The following EPHB3 variants were observed in gnomAD, a reference collection of about 807,000 sequenced individuals.
EPHB3 encodes ephrin type-B receptor 3.
Under a neutral mutation model 100.2 loss-of-function variants are expected in EPHB3, and 33 were observed. That is an observed-to-expected ratio of 0.33 (90% CI 0.25 to 0.44). EPHB3 has a LOEUF of 0.44. Ranked by LOEUF, EPHB3 falls within the 20% of genes least tolerant of loss-of-function variation. The pLI is 1.00. For missense variants in EPHB3, 1,045 were observed against 1,378.3 expected (o/e 0.76, Z 3.83); for synonymous variants, 526 against 554.7 (o/e 0.95, Z 0.73).
chr3:184,576,182 G>A (rs964516144), intron 4 of EPHB3, among the ~76,000 whole-genome samples, 197 bp downstream of exon 4: 1 of 152,186 alleles, frequency 6.6e-6, no homozygotes, highest in African/African-American at 2.4e-5. Flanking sequence ...CAGCCGGCTC[G>A]TCCCTTCCAC....
At position 184,581,527 on chromosome 3, in the gene EPHB3, A is replaced by G; in HGVS notation, c.2902A>G (p.Ile968Val). The change falls in exon 16 of 16, where the codon ATT (isoleucine) becomes GTT (valine). Residue 968 changes from isoleucine (I) to valine (V), a missense_variant. Around this residue, in one of 2 missense-constraint regions of EPHB3, gnomAD observed 985 missense variants for 1,331.1 expected, o/e 0.74. Coordinates refer to ENST00000330394, the MANE Select transcript of EPHB3 (RefSeq NM_004443.4). ...AQMTAEDLLR[I>V]GVTLAGHQKK... Reference sequence around the variant, plus strand: ...CTCCACCTGCAGAGACCTGCTCCGTATTGGGGTCACCCTGGCCGGCCACCA... The same window carrying G: ...CTCCACCTGCAGAGACCTGCTCCGTGTTGGGGTCACCCTGGCCGGCCACCA... 1 of 1,613,704 alleles carries G rather than the reference A, an allele frequency of 6.2e-7. No homozygotes were observed. The highest frequency in any genetic ancestry group is 8.5e-7 in the Non-Finnish European group (1 of 1,179,820).
chr3:184,572,778 C>T lies in EPHB3; in HGVS notation c.458C>T (p.Pro153Leu). ...SASSPFWMEN[P>L]YVKVDTIAPD... ...TCCTCCCCCTTCTGGATGGAGAACC[C>T]CTACGTGAAAGTGGACACCATTGCA... Residue 153 changes from proline to leucine, a missense_variant, in exon 3 of 16, where the codon CCC becomes CTC. Pro to Leu is a moderately conservative substitution (Grantham distance 98). This residue lies in a region of EPHB3 where 985 missense variants were observed against 1,331.1 expected (regional missense o/e 0.74). Transcript: ENST00000330394. This position sits in a 1 kb window ranked among gnomAD's most constrained non-coding sequence, Gnocchi z 6.6. 6.2e-7 allele frequency: 1 copy of T among 1,604,180 alleles called. No homozygotes were observed. The highest frequency in any genetic ancestry group is 8.5e-7 in the Non-Finnish European group (1 of 1,176,460).
chr3:184,572,008 C>T lies in EPHB3; in HGVS notation c.184-496C>T, dbSNP rs751964125. Among the ~76,000 whole-genome samples, 1 of 152,204 alleles carries T rather than the reference C, an allele frequency of 6.6e-6. No individual in the cohort carries two copies. Among genetic ancestry groups the T allele is most frequent in the Admixed American group, 6.5e-5 (1 of 15,284 alleles). ...CGTCGGGACAACAGATGCGGCTCCT[C>T]ATGGAGCTGTTGTGAAGATTGAATG... On this transcript the variant is annotated intron_variant, in intron 2 of 15. Coordinates refer to ENST00000330394, the MANE Select transcript of EPHB3 (RefSeq NM_004443.4). The surrounding 1 kb of genome is among the most constrained non-coding windows in gnomAD (Gnocchi z 6.6).
In EPHB3 at chr3:184,579,898, G is replaced by A. The variant is rs759950633; in HGVS notation, c.2136G>A (p.Glu712=). ...TKSRPVMILT[E]FMENCALDSF... The stretch of plus-strand genomic sequence containing the variant: ...GTCGGCCAGTTATGATCCTCACTGA[G>A]TTCATGGAAAACTGCGCCCTGGACT... The change falls in exon 11 of 16, where the codon GAG becomes GAA. Residue 712 remains glutamate (E), a synonymous_variant. Transcript: ENST00000330394. The surrounding 1 kb of genome is among the most constrained non-coding windows in gnomAD (Gnocchi z 5.2). The A allele has an allele frequency of 1.2e-6, 2 of 1,613,816 alleles. No homozygotes were observed. The highest frequency in any genetic ancestry group is 2.2e-5 in the East Asian group (1 of 44,890).
At chr3:184,574,229 C>A (rs1714617880) in intron 3 of EPHB3, among the ~76,000 whole-genome samples, 1 of 152,112 alleles carries the variant, frequency 6.6e-6, no homozygotes, top group African/African-American at 2.4e-5. Context: ...GCTGTTCTGC[C>A]CTTATTGTAT....
At position 184,581,399 on chromosome 3, in the gene EPHB3, T is replaced by A; in HGVS notation, c.2879T>A (p.Met960Lys). The change falls in exon 15 of 16, where the codon ATG becomes AAG. Residue 960 changes from methionine (M) to lysine (K), a missense_variant. Physicochemically the swap from Met to Lys is moderately conservative, Grantham distance 95. Coordinates refer to ENST00000330394, the MANE Select transcript of EPHB3 (RefSeq NM_004443.4). ...GFASFDLVAQ[M>K]TAEDLLRIGV... ...GCATCTTTTGACCTGGTGGCCCAGA[T>A]GACGGCAGAGTAAGTGTGCCTCAGA... 4 of 1,587,664 alleles carry A rather than the reference T, an allele frequency of 2.5e-6. No homozygotes were observed. The highest frequency in any genetic ancestry group is 3.4e-6 in the Non-Finnish European group (4 of 1,165,704).
intron 1 of EPHB3, among the ~76,000 whole-genome samples, chr3:184,567,103 C>T (rs1395373800): frequency 6.6e-6 from 1 of 152,202 alleles, no homozygotes; most frequent in Non-Finnish European, 1.5e-5. Flanking sequence ...ACCAAGGGCT[C>T]AGGGGCCCTG....
Position 184,573,000 on chromosome 3 carries a change from C to T in EPHB3, c.680C>T (p.Thr227Ile). 6.2e-7 allele frequency: 1 copy of T among 1,611,040 alleles called. No individual in the cohort carries two copies. Among genetic ancestry groups the T allele is most frequent in the Non-Finnish European group, 8.5e-7 (1 of 1,178,534 alleles). The change falls in exon 3 of 16, where the codon ACT becomes ATT. Residue 227 changes from threonine (T) to isoleucine (I), a missense_variant. Thr to Ile is a moderately conservative substitution (Grantham distance 89). Around this residue, in one of 2 missense-constraint regions of EPHB3, gnomAD observed 985 missense variants for 1,331.1 expected, o/e 0.74. Coordinates refer to ENST00000330394, the MANE Select transcript of EPHB3 (RefSeq NM_004443.4). The surrounding 1 kb of genome is among the most constrained non-coding windows in gnomAD (Gnocchi z 6.6). ...AGFALFPETL[T>I]GAEPTSLVIA... ...TTCGCACTCTTCCCCGAGACCCTCA[C>T]TGGGGCGGAGCCCACCTCGCTGGTC...
Position 184,581,765 on chromosome 3 carries a change from C to T in EPHB3, c.*143C>T. The T allele has an allele frequency of 1.3e-6, 1 of 784,428 alleles. No individual in the cohort carries two copies. The highest frequency in any genetic ancestry group is 2.0e-6 in the Non-Finnish European group (1 of 504,746). The allele number at this position is 784,428 out of a possible 1,614,324, so 48.6% of individuals were successfully genotyped here. A position where few individuals can be genotyped will look rare whatever the true frequency, so the allele number is the denominator to read the frequency against. The stretch of plus-strand genomic sequence containing the variant: ...TTGGGAAAGGCCCAAGCTGGGACTT[C>T]TCCAGGCCTGTGTTCCCTCCCCAGG... On this transcript the variant is annotated 3_prime_UTR_variant, in exon 16 of 16. Transcript: ENST00000330394.
At position 184,581,541 on chromosome 3, in the gene EPHB3, G is replaced by T; in HGVS notation, c.2916G>T (p.Leu972=). The T allele has an allele frequency of 6.2e-7, 1 of 1,613,930 alleles. No individual in the cohort carries two copies. The highest frequency in any genetic ancestry group is 8.5e-7 in the Non-Finnish European group (1 of 1,179,942). The part of the protein sequence containing the change: ...AEDLLRIGVT[L]AGHQKKILSS... ...ACCTGCTCCGTATTGGGGTCACCCT[G>T]GCCGGCCACCAGAAGAAGATCCTGA... The change falls in exon 16 of 16, where the codon CTG becomes CTT. Residue 972 remains leucine (L), a synonymous_variant. Transcript: ENST00000330394.
At position 184,562,359 on chromosome 3, in the gene EPHB3, C is replaced by T. The variant is rs1347841357; in HGVS notation, c.118+6C>T. ...CGGCTGCCGGGCGCTGGAAGGTGAG[C>T]GGCGTCGGGGGGCGCGCCCGGGAAC... On this transcript the variant is annotated splice_donor_region_variant and intron_variant, in intron 1 of 15. Transcript: ENST00000330394. This position sits in a 1 kb window ranked among gnomAD's most constrained non-coding sequence, Gnocchi z 4.8. The T allele has an allele frequency of 3.3e-6, 4 of 1,224,878 alleles. No homozygotes were observed. The highest frequency in any genetic ancestry group is 3.2e-5 in the African/African-American group (2 of 63,292). The allele number at this position is 1,224,878 out of a possible 1,614,324, so 75.9% of individuals were successfully genotyped here.
chr3:184,578,135 A>G lies in EPHB3; in HGVS notation c.1748+129A>G, dbSNP rs4072652. Reference sequence around the variant, plus strand: ...CCAGGGCCTTAGCCCTCCTGGGGCCAGCCGTTGCTGGAGAAGCCCTCTCCC... The same window carrying G: ...CCAGGGCCTTAGCCCTCCTGGGGCCGGCCGTTGCTGGAGAAGCCCTCTCCC... On this transcript the variant is annotated intron_variant, in intron 8 of 15. Coordinates refer to ENST00000330394, the MANE Select transcript of EPHB3 (RefSeq NM_004443.4). The surrounding 1 kb of genome is among the most constrained non-coding windows in gnomAD (Gnocchi z 4.7). 0.32 allele frequency: 347,067 copies of G among 1,072,820 alleles called. 59,877 individuals are homozygous for G. Among genetic ancestry groups the G allele is most frequent in the African/African-American group, 0.52 (32,501 of 62,572 alleles). 66.5% of individuals were successfully genotyped at this position (1,072,820 alleles called of 1,614,324 possible). A position where few individuals can be genotyped will look rare whatever the true frequency, so the allele number is the denominator to read the frequency against.
rs751373494 is a variant in EPHB3, at chr3:184,573,067, G to A, written c.747G>A (p.Ser249=). 9.9e-6 allele frequency: 16 copies of A among 1,613,072 alleles called. No individual in the cohort carries two copies. The highest frequency in any genetic ancestry group is 1.7e-5 in the Admixed American group (1 of 60,012). Residue 249 remains serine, a synonymous_variant, in exon 3 of 16, where the codon TCG becomes TCA. Transcript: ENST00000330394. This position sits in a 1 kb window ranked among gnomAD's most constrained non-coding sequence, Gnocchi z 4.5. ...GCATCCCTAACGCCGTGGAGGTGTC[G>A]GTGCCACTCAAGCTCTACTGCAACG... ...GTCIPNAVEV[S]VPLKLYCNGD...
At position 184,576,534 on chromosome 3, in the gene EPHB3, A is replaced by G. The variant is rs148453943; in HGVS notation, c.1013-308A>G. Among the ~76,000 whole-genome samples, 88 of 152,314 alleles carry G rather than the reference A, an allele frequency of 5.8e-4. No homozygotes were observed. In the East Asian group the frequency reaches 0.015, roughly 26 times the overall value. Reference sequence around the variant, plus strand: ...ACCTGGTGGGAGAAATAGGTGTAAAAACAGATAATGACCGTAATGTACTAA... The same window carrying G: ...ACCTGGTGGGAGAAATAGGTGTAAAGACAGATAATGACCGTAATGTACTAA... On this transcript the variant is annotated intron_variant, in intron 4 of 15. Coordinates refer to ENST00000330394, the MANE Select transcript of EPHB3 (RefSeq NM_004443.4).
rs1714359944 is a variant in EPHB3 at position 184,565,357 on chromosome 3, T to C, written c.118+3004T>C. ...TCAGGACCATCAACGGGTCAGGGGG[T>C]GGGGTCCAATGGGGAACAGACTAGG... On this transcript the variant is annotated intron_variant, in intron 1 of 15. Coordinates refer to ENST00000330394, the MANE Select transcript of EPHB3 (RefSeq NM_004443.4). The surrounding 1 kb of genome is among the most constrained non-coding windows in gnomAD (Gnocchi z 4.8). Among the ~76,000 whole-genome samples the C allele has an allele frequency of 6.6e-6, 1 of 151,938 alleles. No individual in the cohort carries two copies. The highest frequency in any genetic ancestry group is 2.4e-5 in the African/African-American group (1 of 41,334).
intron 1 of EPHB3, among the ~76,000 whole-genome samples, chr3:184,570,961 T>C (rs902590989): frequency 2.8e-5 from 4 of 145,446 alleles, no homozygotes; most frequent in Admixed American, 6.7e-5. Context: ...TCTTTCTTTT[T>C]TTTTTTTTTT....
At chr3:184,580,003 A>T in intron 11 of EPHB3, 69 bp downstream of exon 11, 1 of 1,561,978 alleles carries the variant, frequency 6.4e-7, no homozygotes, top group South Asian at 1.2e-5. Flanking sequence ...CCCCTCCCAC[A>T]AGTCAGACAG....
chr3:184,579,735 G>A lies in EPHB3; in HGVS notation c.1973G>A (p.Arg658Gln), dbSNP rs200994037. ...GGTCGACTGAAACAGCCTGGCCGCC[G>A]AGAGGTGTTTGTGGCCATCAAGACG... The part of the protein sequence containing the change: ...CRGRLKQPGR[R>Q]EVFVAIKTLK... Residue 658 changes from arginine (R) to glutamine (Q), a missense_variant, in exon 11 of 16, where the codon CGA becomes CAA. Around this residue, in one of 2 missense-constraint regions of EPHB3, gnomAD observed 985 missense variants for 1,331.1 expected, o/e 0.74. Coordinates refer to ENST00000330394, the MANE Select transcript of EPHB3 (RefSeq NM_004443.4). This position sits in a 1 kb window ranked among gnomAD's most constrained non-coding sequence, Gnocchi z 5.2. The A allele has an allele frequency of 8.1e-6, 13 of 1,613,064 alleles. No individual in the cohort carries two copies. The highest frequency in any genetic ancestry group is 5.3e-5 in the African/African-American group (4 of 74,788).
rs1013534976 is a variant in EPHB3, at chr3:184,562,506, C to A, written c.118+153C>A. 6.6e-6 allele frequency among the ~76,000 whole-genome samples: 1 copy of A among 152,048 alleles called. No individual in the cohort carries two copies. Among genetic ancestry groups the A allele is most frequent in the Non-Finnish European group, 1.5e-5 (1 of 67,980 alleles). ...GGGCCCAGGGATGGGGTGGGGAGGC[C>A]GCCCCTGGAGCCGCCTCGGAGGCTG... is the stretch of plus-strand genomic sequence containing the variant. On this transcript the variant is annotated intron_variant, in intron 1 of 15. Coordinates refer to ENST00000330394, the MANE Select transcript of EPHB3 (RefSeq NM_004443.4). The surrounding 1 kb of genome is among the most constrained non-coding windows in gnomAD (Gnocchi z 4.8).
Sources: gnomAD v4.1 joint callset for allele counts (sites outside exome capture counted in the v4.1 genomes callset) on GRCh38, gnomAD v4.1.1 for gene constraint, gnomAD v4.1.1 regional missense constraint, Gnocchi (gnomAD v3.1) non-coding constraint, MANE v1.5 for transcripts, NCBI Gene and HGNC (gene_info 2026-07-23, HGNC 2026-07-21) for gene names.